The following ADAMTS17 variants were observed in gnomAD, a reference collection of about 807,000 sequenced individuals.
ADAMTS17 encodes A disintegrin and metalloproteinase with thrombospondin motifs 17.
ADAMTS17 carries 113 observed loss-of-function variants against 141.5 expected under a neutral mutation model. That is an observed-to-expected ratio of 0.80 (90% CI 0.69 to 0.93). The LOEUF is 0.93. Ranked by LOEUF, ADAMTS17 falls within the 40% of genes least tolerant of loss-of-function variation. The pLI, the probability that ADAMTS17 is intolerant of heterozygous loss-of-function variation, is 0.00. For synonymous variants in ADAMTS17, 768 were observed against 630.6 expected (o/e 1.22, Z -3.27); for missense variants, 1,659 against 1,517.9 (o/e 1.09, Z -1.54).
intron 10 of ADAMTS17, among the ~76,000 whole-genome samples, chr15:100,140,777 C>T (rs763714597): frequency 1.8e-4 from 27 of 152,096 alleles, no homozygotes; most frequent in Non-Finnish European, 2.8e-4. Flanking sequence ...CCTCTTCCCG[C>T]TTCCCCTGCA....
chr15:100,180,331 G>T (rs1320658940), intron 8 of ADAMTS17, among the ~76,000 whole-genome samples: 2 of 152,178 alleles, frequency 1.3e-5, no homozygotes, highest in Non-Finnish European at 2.9e-5. Flanking sequence ...CACTGTAGAT[G>T]TATGAATTTG....
chr15:100,311,164 G>C (rs74039261), intron 3 of ADAMTS17, among the ~76,000 whole-genome samples: 1 of 152,204 alleles, frequency 6.6e-6, no homozygotes, highest in East Asian at 1.9e-4. Flanking sequence ...GCCTCCTGCC[G>C]GGAGGGAAGC....
intron 8 of ADAMTS17, among the ~76,000 whole-genome samples, chr15:100,179,168 T>A (rs1223953185): frequency 6.6e-6 from 1 of 152,200 alleles, no homozygotes; most frequent in Non-Finnish European, 1.5e-5. Flanking sequence ...CTAGGTCTTA[T>A]TCATTCCTTC....
intron 4 of ADAMTS17, among the ~76,000 whole-genome samples, chr15:100,264,508 GA>G (rs1167231348): frequency 2.6e-5 from 4 of 152,238 alleles, no homozygotes; most frequent in African/African-American, 9.6e-5. Flanking sequence ...GTCAAAACCA[GA>G]AACATTAAGG....
At position 99,997,921 on chromosome 15, in the gene ADAMTS17, G is replaced by A. The variant is rs1248038280; in HGVS notation, c.2592-332C>T. On this transcript the variant is annotated intron_variant, in intron 18 of 21. Transcript: ENST00000268070. The surrounding 1 kb of genome is among the most constrained non-coding windows in gnomAD (Gnocchi z 4.7). ...ACCTGCTTCTTTCGACAGGGTGTGAGTGAAGAGGATGCTGGCGGCGTCCCG... is the reference window on the plus strand; with the variant it reads ...ACCTGCTTCTTTCGACAGGGTGTGAATGAAGAGGATGCTGGCGGCGTCCCG... Among the ~76,000 whole-genome samples, 2 of 152,168 alleles carry A rather than the reference G, an allele frequency of 1.3e-5. No individual in the cohort carries two copies. The highest frequency in any genetic ancestry group is 4.8e-5 in the African/African-American group (2 of 41,428).
intron 8 of ADAMTS17, among the ~76,000 whole-genome samples, chr15:100,196,007 T>TA (rs1180343932): frequency 1.3e-5 from 2 of 152,206 alleles, no homozygotes; most frequent in East Asian, 3.8e-4. Flanking sequence ...AATGGCGTGA[T>TA]AAACACACAG....
At chr15:100,002,905 G>C (rs1345473153) in intron 18 of ADAMTS17, among the ~76,000 whole-genome samples, 2 of 152,058 alleles carry the variant, frequency 1.3e-5, no homozygotes, top group Non-Finnish European at 2.9e-5. Flanking sequence ...AGCCTCACAG[G>C]GGGAGGGTTA....
intron 7 of ADAMTS17, among the ~76,000 whole-genome samples, chr15:100,249,679 T>C (rs1161921667): frequency 6.6e-6 from 1 of 152,156 alleles, no homozygotes; most frequent in Non-Finnish European, 1.5e-5. Context: ...TTCCAGTAGG[T>C]GCCCTTGGCT....
chr15:100,262,237 G>T, intron 5 of ADAMTS17, 115 bp downstream of exon 5: 1 of 921,838 alleles, frequency 1.1e-6, no homozygotes, highest in Non-Finnish European at 1.7e-6. Flanking sequence ...CAAAGCCACA[G>T]AGAGTGACGG....
chr15:100,100,240 C>T (rs919485270), intron 14 of ADAMTS17, among the ~76,000 whole-genome samples: 1 of 152,228 alleles, frequency 6.6e-6, no homozygotes, highest in African/African-American at 2.4e-5. Flanking sequence ...CTCCTCCCAG[C>T]CCCTGGATGA....
intron 8 of ADAMTS17, among the ~76,000 whole-genome samples, chr15:100,167,004 G>A (rs898285291): frequency 6.6e-6 from 1 of 152,242 alleles, no homozygotes; most frequent in African/African-American, 2.4e-5. Flanking sequence ...GCGATGACGG[G>A]AAAGTCTCTA....
intron 10 of ADAMTS17, among the ~76,000 whole-genome samples, chr15:100,134,347 T>G (rs1354622448): frequency 1.3e-5 from 2 of 152,198 alleles, no homozygotes; most frequent in African/African-American, 4.8e-5. Flanking sequence ...TGCACCCAAA[T>G]CCTGGCCTCA....
chr15:100,231,031 T>C (rs770915133), intron 7 of ADAMTS17, among the ~76,000 whole-genome samples: 25 of 152,184 alleles, frequency 1.6e-4, no homozygotes, highest in Non-Finnish European at 2.8e-4. Flanking sequence ...CCAAAAGGAA[T>C]TGTGAAGTTG....
intron 15 of ADAMTS17, among the ~76,000 whole-genome samples, chr15:100,091,010 C>CAACAAAAAAAAAAAAAA (rs1555446585): frequency 2.7e-4 from 15 of 54,604 alleles, no homozygotes; most frequent in South Asian, 1.4e-3. Flanking sequence ...TCCGTCTCAA[C>CAACAAAAAAAAAAAAAA]AAAAAAAAAA....
intron 18 of ADAMTS17, among the ~76,000 whole-genome samples, chr15:100,011,828 T>G (rs757270107): frequency 6.6e-6 from 1 of 152,254 alleles, no homozygotes; most frequent in Non-Finnish European, 1.5e-5. Flanking sequence ...TTCCAAGATT[T>G]TGCAATTGTG....
intron 10 of ADAMTS17, among the ~76,000 whole-genome samples, chr15:100,147,634 C>A (rs997118457): frequency 6.6e-6 from 1 of 152,198 alleles, no homozygotes; most frequent in African/African-American, 2.4e-5. Flanking sequence ...CACAGGACCA[C>A]CAGCACATAT....
rs560057417 is a variant in ADAMTS17, at chr15:100,069,491, G to A, written c.2138-15437C>T. On this transcript the variant is annotated intron_variant, in intron 15 of 21. Coordinates refer to ENST00000268070, the MANE Select transcript of ADAMTS17 (RefSeq NM_139057.4). ...GGAAAAAATGTTAAGGGCAGCCAGA[G>A]AGAAAGGTCAGGTTACCCACAAAGG... 3.9e-5 allele frequency among the ~76,000 whole-genome samples: 6 copies of A among 152,302 alleles called. No individual in the cohort carries two copies. The South Asian group carries it at 1.2e-3, about 32-fold the overall frequency.
At chr15:100,066,359 T>C (rs57182513) in intron 15 of ADAMTS17, among the ~76,000 whole-genome samples, 4,772 of 151,220 alleles carry the variant, frequency 0.032, 261 homozygotes, top group African/African-American at 0.11. Flanking sequence ...AGGGCTTAGA[T>C]GGCATATGGA....
intron 7 of ADAMTS17, among the ~76,000 whole-genome samples, chr15:100,245,928 A>G (rs1275356283): frequency 2.0e-5 from 3 of 152,108 alleles, no homozygotes; most frequent in Non-Finnish European, 4.4e-5. Context: ...ATTTGTGTGT[A>G]GGTAAGACAC....
Sources: allele counts gnomAD v4.1 joint callset (sites outside exome capture counted in the v4.1 genomes callset), GRCh38; gene constraint gnomAD v4.1.1; non-coding constraint Gnocchi (gnomAD v3.1); transcripts MANE v1.5; gene names NCBI Gene and HGNC (gene_info 2026-07-23, HGNC 2026-07-21).